The following PRUNE2 variants were observed in gnomAD, a reference collection of about 807,000 sequenced individuals.
The protein encoded by PRUNE2 is prune homolog 2 with BCH domain.
PRUNE2 carries 164 observed loss-of-function variants against 252.0 expected under a neutral mutation model. The ratio of observed to expected loss-of-function variants is 0.65; its 90% CI spans 0.57 to 0.74. PRUNE2 has a LOEUF of 0.74. Ranked by LOEUF, PRUNE2 falls within the 30% of genes least tolerant of loss-of-function variation. The pLI is 0.00. For synonymous variants in PRUNE2, 1,292 were observed against 1,350.2 expected (o/e 0.96, Z 0.94); for missense variants, 3,495 against 3,711.0 (o/e 0.94, Z 1.51).
chr9:76,666,711 G>T (rs573308569), intron 9 of PRUNE2, among the ~76,000 whole-genome samples: 2 of 151,932 alleles, frequency 1.3e-5, no homozygotes, highest in African/African-American at 4.8e-5. Flanking sequence ...CAGTCTCCGC[G>T]TCTTGGTGGT....
At chr9:76,885,500 G>A (rs2062035081) in intron 1 of PRUNE2, among the ~76,000 whole-genome samples, 1 of 152,160 alleles carries the variant, frequency 6.6e-6, no homozygotes, top group Non-Finnish European at 1.5e-5. Flanking sequence ...CAGGACAGCT[G>A]AAAGGAAATA....
At chr9:76,846,713 A>G in intron 3 of PRUNE2, 35 bp from the exon 4 acceptor site, 1 of 1,580,068 alleles carries the variant, frequency 6.3e-7, no homozygotes, top group Non-Finnish European at 8.7e-7. Flanking sequence ...AGAGAAAGGG[A>G]TATGGCATGT....
Position 76,722,128 on chromosome 9 carries a change from G to A in PRUNE2, c.757-8407C>T, listed in dbSNP as rs990028566. 3.3e-5 allele frequency among the ~76,000 whole-genome samples: 5 copies of A among 151,396 alleles called. No homozygotes were observed. In the South Asian group the frequency reaches 6.3e-4, roughly 19 times the overall value. On this transcript the variant is annotated intron_variant, in intron 6 of 18. Coordinates refer to ENST00000376718, the MANE Select transcript of PRUNE2 (RefSeq NM_015225.3). ...GGCTGGAGTGCAGTGGTGTGATCTCGGCTCACTGCAACCACTACCTCCCAG... is the reference window on the plus strand; with the variant it reads ...GGCTGGAGTGCAGTGGTGTGATCTCAGCTCACTGCAACCACTACCTCCCAG...
At chr9:76,905,842 C>A in intron 1 of PRUNE2, 86 bp downstream of exon 1, 1 of 1,559,680 alleles carries the variant, frequency 6.4e-7, no homozygotes, top group South Asian at 1.1e-5. Flanking sequence ...TTGTTTCTTC[C>A]TCCTCTGCTG....
intron 5 of PRUNE2, among the ~76,000 whole-genome samples, chr9:76,824,302 A>C (rs2058217920): frequency 1.3e-5 from 2 of 152,148 alleles, no homozygotes; most frequent in South Asian, 4.1e-4. Context: ...GCGGTGGACA[A>C]ATGAAGAAAA....
At chr9:76,869,456 T>C (rs1217735456) in intron 1 of PRUNE2, among the ~76,000 whole-genome samples, 1 of 152,170 alleles carries the variant, frequency 6.6e-6, no homozygotes, top group African/African-American at 2.4e-5. Flanking sequence ...TCAGGATCGT[T>C]CTCTCTTTCT....
intron 6 of PRUNE2, among the ~76,000 whole-genome samples, chr9:76,747,175 C>T (rs566384769): frequency 1.3e-5 from 2 of 152,198 alleles, no homozygotes; most frequent in African/African-American, 4.8e-5. Context: ...GATTGGTGTG[C>T]AGGGAAATAC....
chr9:76,678,063 T>G (rs906004515), intron 9 of PRUNE2, among the ~76,000 whole-genome samples: 3 of 152,090 alleles, frequency 2.0e-5, no homozygotes, highest in African/African-American at 7.2e-5. Flanking sequence ...TTGTGAAGCA[T>G]CATATATTAT....
chr9:76,758,068 A>T (rs975455686), intron 6 of PRUNE2, among the ~76,000 whole-genome samples: 6 of 152,226 alleles, frequency 3.9e-5, no homozygotes, highest in Non-Finnish European at 7.3e-5. Flanking sequence ...GCTATCTTCA[A>T]TCAGGAGACT....
At chr9:76,734,886 A>T (rs2048941856) in intron 6 of PRUNE2, among the ~76,000 whole-genome samples, 2 of 152,200 alleles carry the variant, frequency 1.3e-5, no homozygotes, top group Non-Finnish European at 1.5e-5. Flanking sequence ...TGAGACACGG[A>T]GATCTAGGAT....
Position 76,713,594 on chromosome 9 carries a change from A to T in PRUNE2, c.884T>A (p.Val295Glu). 4 of 1,610,132 alleles carry T rather than the reference A, an allele frequency of 2.5e-6. No individual in the cohort carries two copies. Among genetic ancestry groups the T allele is most frequent in the Non-Finnish European group, 3.4e-6 (4 of 1,178,270 alleles). ...EEQQPRRQIA[V>E]YSENMELCSQ... ...GCACAGCTCCATGTTTTCTGAGTAC[A>T]CAGCAATCTGTCGTCTCGGCTGCTG... The change falls in exon 7 of 19, where the codon GTG becomes GAG. Residue 295 changes from valine (V) to glutamate (E), a missense_variant. Transcript: ENST00000376718.
chr9:76,615,638 G>T (rs915976319), intron 18 of PRUNE2, among the ~76,000 whole-genome samples: 1 of 151,970 alleles, frequency 6.6e-6, no homozygotes, highest in Admixed American at 6.6e-5. Flanking sequence ...CGGTCATACC[G>T]CTTTCACAGC....
intron 4 of PRUNE2, among the ~76,000 whole-genome samples, chr9:76,831,971 A>G (rs2058697693): frequency 6.6e-6 from 1 of 152,162 alleles, no homozygotes; most frequent in African/African-American, 2.4e-5. Context: ...TAATATGCTA[A>G]TATCAAACAA....
intron 12 of PRUNE2, among the ~76,000 whole-genome samples, chr9:76,643,328 T>C (rs1328333753): frequency 2.0e-5 from 3 of 150,608 alleles, no homozygotes; most frequent in Non-Finnish European, 4.4e-5. Context: ...ATTTTAATTT[T>C]TTAATACTTT....
intron 1 of PRUNE2, chr9:76,862,056 C>G (rs1337746148): frequency 1.3e-5 from 2 of 152,198 alleles, no homozygotes; most frequent in African/African-American, 4.8e-5. Flanking sequence ...GTGCCCTATT[C>G]TAGGAGTTTG....
In PRUNE2 at chr9:76,709,320, G is replaced by A; in HGVS notation, c.2954C>T (p.Thr985Ile). 2 of 1,613,950 alleles carry A rather than the reference G, an allele frequency of 1.2e-6. No individual in the cohort carries two copies. Among genetic ancestry groups the A allele is most frequent in the Non-Finnish European group, 1.7e-6 (2 of 1,179,858 alleles). The change falls in exon 8 of 19, where the codon ACT (threonine) becomes ATT (isoleucine). Residue 985 changes from threonine to isoleucine, a missense_variant. Thr to Ile is a moderately conservative substitution (Grantham distance 89). Coordinates refer to ENST00000376718, the MANE Select transcript of PRUNE2 (RefSeq NM_015225.3). The part of the protein sequence containing the change: ...SPTFAGDEKE[T>I]EHKPFAKEEG... ...CTCTTTAGCAAATGGCTTGTGTTCA[G>A]TTTCCTTTTCGTCTCCAGCAAATGT...
At chr9:76,876,055 T>C (rs1410641531) in intron 1 of PRUNE2, among the ~76,000 whole-genome samples, 2 of 152,228 alleles carry the variant, frequency 1.3e-5, no homozygotes, top group Non-Finnish European at 2.9e-5. Flanking sequence ...TATGGCATAC[T>C]AGTAGTAGAA....
chr9:76,743,559 G>T (rs2049841915), intron 6 of PRUNE2, among the ~76,000 whole-genome samples: 2 of 152,112 alleles, frequency 1.3e-5, no homozygotes, highest in South Asian at 4.1e-4. Flanking sequence ...CCCTCTTGGG[G>T]GAACAGTCCC....
chr9:76,624,472 C>T lies in PRUNE2; in HGVS notation c.9168G>A (p.Arg3056=). The T allele has an allele frequency of 7.0e-7, 1 of 1,431,986 alleles. No homozygotes were observed. The highest frequency in any genetic ancestry group is 9.2e-7 in the Non-Finnish European group (1 of 1,088,018). 88.7% of individuals were successfully genotyped at this position (1,431,986 alleles called of 1,614,324 possible). A position where few individuals can be genotyped will look rare whatever the true frequency, so the allele number is the denominator to read the frequency against. Reference sequence around the variant, plus strand: ...CTTACTTAGCTGCCTCTGATGCTTCCCTCAGTTCTTCATCCAGTCTGCAGG... The same window carrying T: ...CTTACTTAGCTGCCTCTGATGCTTCTCTCAGTTCTTCATCCAGTCTGCAGG... ...ESIIKLDEEL[R]EASEAAKTSC... The change falls in exon 17 of 19, where the codon AGG becomes AGA. Residue 3056 remains arginine (R), a synonymous_variant. Coordinates refer to ENST00000376718, the MANE Select transcript of PRUNE2 (RefSeq NM_015225.3).
Sources: allele counts gnomAD v4.1 joint callset (sites outside exome capture counted in the v4.1 genomes callset), GRCh38; gene constraint gnomAD v4.1.1; transcripts MANE v1.5; gene names NCBI Gene and HGNC (gene_info 2026-07-23, HGNC 2026-07-21).